SIK3: variants seen among roughly 807,000 people sequenced by gnomAD.
SIK3 encodes SIK family kinase 3.
Under a neutral mutation model 144.2 loss-of-function variants are expected in SIK3, and 28 were observed. The ratio of observed to expected loss-of-function variants is 0.19; its 90% CI spans 0.14 to 0.27. The LOEUF is 0.27. SIK3 is among the 10% of genes least tolerant of loss of function. The probability of loss-of-function intolerance (pLI) is 1.00; values close to 1 mark genes in which losing one functional copy is unlikely to be tolerated. For synonymous variants in SIK3, 686 were observed against 676.3 expected (o/e 1.01, Z -0.22); for missense variants, 1,319 against 1,776.0 (o/e 0.74, Z 4.62).
intron 1 of SIK3, among the ~76,000 whole-genome samples, chr11:117,050,794 T>C (rs1424304756): frequency 6.6e-6 from 1 of 152,102 alleles, no homozygotes; most frequent in Admixed American, 6.5e-5. Context: ...ATGTTCTGGG[T>C]AGATACAAAC....
At chr11:117,066,541 T>TC (rs1954028217) in intron 1 of SIK3, among the ~76,000 whole-genome samples, 1 of 151,578 alleles carries the variant, frequency 6.6e-6, no homozygotes, top group African/African-American at 2.4e-5. Flanking sequence ...ATCCTTTTTT[T>TC]TTTTTTTTTG....
Position 116,844,364 on chromosome 11 carries a change from A to G in SIK3, c.*1279T>C, listed in dbSNP as rs1383355797. On this transcript the variant is annotated 3_prime_UTR_variant, in exon 25 of 25. Coordinates refer to ENST00000445177, the MANE Select transcript of SIK3 (RefSeq NM_001366686.3). Reference sequence around the variant, plus strand: ...TTCAAATAGAACAGAATCTGGTTAAACATTTCTCATTTAAACAAAAATTCC... The same window carrying G: ...TTCAAATAGAACAGAATCTGGTTAAGCATTTCTCATTTAAACAAAAATTCC... 6.6e-6 allele frequency: 1 copy of G among 151,908 alleles called. No homozygotes were observed. The highest frequency in any genetic ancestry group is 2.4e-5 in the African/African-American group (1 of 41,306). 9.4% of individuals were successfully genotyped at this position (151,908 alleles called of 1,614,324 possible).
chr11:117,027,799 CT>C (rs1296414656), intron 1 of SIK3, among the ~76,000 whole-genome samples: 6 of 152,214 alleles, frequency 3.9e-5, no homozygotes, highest in South Asian at 2.1e-4. Flanking sequence ...CTGACTCCCC[CT>C]GACCCATCTT....
intron 1 of SIK3, among the ~76,000 whole-genome samples, chr11:117,026,202 G>C (rs563379403): frequency 6.6e-6 from 1 of 152,112 alleles, no homozygotes; most frequent in Non-Finnish European, 1.5e-5. Flanking sequence ...TTAACCGTTG[G>C]GTCACAACTG....
At chr11:116,944,634 C>T (rs1027492706) in intron 3 of SIK3, among the ~76,000 whole-genome samples, 3 of 152,178 alleles carry the variant, frequency 2.0e-5, no homozygotes, top group African/African-American at 4.8e-5. Flanking sequence ...TTCTGCATTT[C>T]GTACTTCTCC....
At chr11:117,085,806 G>A (rs1463252836) in intron 1 of SIK3, among the ~76,000 whole-genome samples, 8 of 151,948 alleles carry the variant, frequency 5.3e-5, no homozygotes, top group South Asian at 2.1e-4. Context: ...CCAACATGGC[G>A]AAACCCCATC....
At chr11:117,011,757 AC>A (rs1468542558) in intron 1 of SIK3, among the ~76,000 whole-genome samples, 2 of 152,122 alleles carry the variant, frequency 1.3e-5, no homozygotes, top group African/African-American at 4.8e-5. Flanking sequence ...AGGCAGAAGG[AC>A]TGCTTGAGAC....
In SIK3 at chr11:116,875,945, T is replaced by C. The variant is rs757101931; in HGVS notation, c.1160A>G (p.Lys387Arg). ...AIYSLLCDRHKRHKTLRLGAL... is the reference protein window; with the variant it reads ...AIYSLLCDRHRRHKTLRLGAL... ...TCCGAGACGCAGGGTTTTATGTCTC[T>C]TATGTCGATCACACAGCAGGCTGTA... is the stretch of plus-strand genomic sequence containing the variant. The change falls in exon 9 of 25, where the codon AAG becomes AGG. Residue 387 changes from lysine (K) to arginine (R), a missense_variant. Physicochemically the swap from Lys to Arg is conservative, Grantham distance 26. Around this residue, in one of 8 missense-constraint regions of SIK3, gnomAD observed 109 missense variants for 109.3 expected, o/e 1.00. Transcript: ENST00000445177. The C allele has an allele frequency of 1.2e-6, 2 of 1,613,684 alleles. No individual in the cohort carries two copies. Among genetic ancestry groups the C allele is most frequent in the Non-Finnish European group, 1.7e-6 (2 of 1,179,908 alleles).
intron 1 of SIK3, among the ~76,000 whole-genome samples, chr11:116,968,960 C>T (rs1226602684): frequency 6.6e-6 from 1 of 152,020 alleles, no homozygotes; most frequent in Admixed American, 6.6e-5. Flanking sequence ...CCAATGAGAT[C>T]CAAAAGAATC....
In SIK3 at chr11:117,068,035, T is replaced by C. The variant is rs149365118; in HGVS notation, c.273+30108A>G. Among the ~76,000 whole-genome samples the C allele has an allele frequency of 5.9e-5, 9 of 152,218 alleles. No individual in the cohort carries two copies. The East Asian group carries it at 1.7e-3, about 29-fold the overall frequency. ...AAAAATAAATATTAATTCTGGTCCC[T>C]GAATAACTTTTGGAACACTGTGGAA... On this transcript the variant is annotated intron_variant, in intron 1 of 24. Coordinates refer to ENST00000445177, the MANE Select transcript of SIK3 (RefSeq NM_001366686.3).
chr11:116,993,859 C>T (rs1224830933), intron 1 of SIK3, among the ~76,000 whole-genome samples: 2 of 152,208 alleles, frequency 1.3e-5, no homozygotes. Context: ...GAACTTACAG[C>T]GTGACAGCCA....
chr11:117,081,486 T>A (rs1446890117), intron 1 of SIK3, among the ~76,000 whole-genome samples: 1 of 151,968 alleles, frequency 6.6e-6, no homozygotes. Context: ...TAGCCGGGCG[T>A]GATGGCAGGT....
At chr11:117,061,052 G>A (rs1453949755) in intron 1 of SIK3, among the ~76,000 whole-genome samples, 2 of 152,068 alleles carry the variant, frequency 1.3e-5, no homozygotes, top group African/African-American at 4.8e-5. Flanking sequence ...TTTGAGACCA[G>A]GCAGGGCTAA....
chr11:116,948,356 C>T (rs1948776357), intron 3 of SIK3, among the ~76,000 whole-genome samples: 1 of 152,080 alleles, frequency 6.6e-6, no homozygotes, highest in Admixed American at 6.5e-5. Flanking sequence ...TGGCTCACTG[C>T]AGCCTTGACA....
chr11:116,935,577 T>C (rs1182030522), intron 3 of SIK3, among the ~76,000 whole-genome samples: 1 of 152,200 alleles, frequency 6.6e-6, no homozygotes, highest in East Asian at 1.9e-4. Flanking sequence ...GAATCTCATA[T>C]ATTACAAAAG....
intron 1 of SIK3, among the ~76,000 whole-genome samples, chr11:117,020,561 G>T (rs1444854373): frequency 6.6e-6 from 1 of 152,146 alleles, no homozygotes; most frequent in Non-Finnish European, 1.5e-5. Flanking sequence ...TCCAGGGAAA[G>T]GAGAGGGGCT....
Position 116,983,656 on chromosome 11 carries a change from G to A in SIK3, c.274-26592C>T, listed in dbSNP as rs80001814. 3.5e-3 allele frequency among the ~76,000 whole-genome samples: 535 copies of A among 152,246 alleles called. 8 individuals carry two copies. The highest frequency in any genetic ancestry group is 0.011 in the East Asian group (55 of 5,184). ...AACATACTTCCTATAAAGCAAATCC[G>A]AGGGAATTTAAACTTATTAGAGGTG... On this transcript the variant is annotated intron_variant, in intron 1 of 24. Coordinates refer to ENST00000445177, the MANE Select transcript of SIK3 (RefSeq NM_001366686.3).
At chr11:117,082,859 G>A (rs1306469793) in intron 1 of SIK3, among the ~76,000 whole-genome samples, 1 of 152,094 alleles carries the variant, frequency 6.6e-6, no homozygotes, top group Non-Finnish European at 1.5e-5. Flanking sequence ...CAAACTGCTG[G>A]CTAGTAAAAA....
intron 22 of SIK3, among the ~76,000 whole-genome samples, chr11:116,848,917 C>T (rs905503865): frequency 6.6e-6 from 1 of 152,150 alleles, no homozygotes; most frequent in Non-Finnish European, 1.5e-5. Flanking sequence ...GAGCTGATAT[C>T]GCGCCACTGT....
Sources: allele counts gnomAD v4.1 joint callset (sites outside exome capture counted in the v4.1 genomes callset), GRCh38; gene constraint gnomAD v4.1.1; regional missense constraint gnomAD v4.1.1; transcripts MANE v1.5; gene names NCBI Gene and HGNC (gene_info 2026-07-23, HGNC 2026-07-21).